The following TTBK2 variants were observed in gnomAD, a reference collection of about 807,000 sequenced individuals.
TTBK2 encodes the protein tau tubulin kinase 2.
In TTBK2, 28 loss-of-function variants were observed where a neutral mutation model predicts 110.8. That is an observed-to-expected ratio of 0.25 (90% CI 0.19 to 0.35). The LOEUF is 0.35. Among genes scored for constraint, TTBK2 ranks in the 10% least tolerant of loss-of-function variants. The pLI is 1.00. For synonymous variants in TTBK2, 532 were observed against 527.3 expected, an observed-to-expected ratio of 1.01 and a Z score of -0.12; for missense variants, 1,369 against 1,500.3, an observed-to-expected ratio of 0.91 and a Z score of 1.45.
chr15:42,815,870 A>T lies in TTBK2; in HGVS notation c.603+1162T>A, dbSNP rs868306007. Among the ~76,000 whole-genome samples the T allele has an allele frequency of 7.4e-4, 90 of 121,428 alleles. 1 individual carries two copies. The highest frequency in any genetic ancestry group is 1.2e-3 in the South Asian group (5 of 4,150). 79.7% of individuals were successfully genotyped at this position (121,428 alleles called of 152,430 possible). On this transcript the variant is annotated intron_variant, in intron 7 of 14. Transcript: ENST00000267890. The stretch of plus-strand genomic sequence containing the variant: ...AAATTCTCTCTCTCTATATATATAT[A>T]TTTAAATATATATATATTTAAAAAT...
At chr15:42,914,068 C>G (rs934717575) in intron 1 of TTBK2, among the ~76,000 whole-genome samples, 5 of 151,922 alleles carry the variant, frequency 3.3e-5, no homozygotes, top group South Asian at 4.2e-4. Flanking sequence ...CCTCCACCTC[C>G]CGGATTCAAG....
At chr15:42,844,033 G>A (rs1893350811) in intron 3 of TTBK2, among the ~76,000 whole-genome samples, 1 of 151,974 alleles carries the variant, frequency 6.6e-6, no homozygotes, top group Admixed American at 6.6e-5. Context: ...AATTCTCAGG[G>A]AGGCAGATTT....
rs759739645 is a variant in TTBK2, at chr15:42,752,642, G to T, written c.2604C>A (p.Gly868=). 36 of 1,614,006 alleles carry T rather than the reference G, an allele frequency of 2.2e-5. No homozygotes were observed. Among genetic ancestry groups the T allele is most frequent in the East Asian group, 2.2e-4 (10 of 44,882 alleles). ...TATTTTTTTGCATTTCTGCCACTTG[G>T]CCTATCTGACCTTCAACATGTGGGT... is the stretch of plus-strand genomic sequence containing the variant. ...DIDPHVEGQI[G]QVAEMQKNKI... The change falls in exon 14 of 15, where the codon GGC becomes GGA. Residue 868 remains glycine, a synonymous_variant. Transcript: ENST00000267890.
At chr15:42,879,409 T>G (rs1894947609) in intron 1 of TTBK2, among the ~76,000 whole-genome samples, 1 of 152,174 alleles carries the variant, frequency 6.6e-6, no homozygotes, top group Admixed American at 6.5e-5. Flanking sequence ...TGCTTTTGTT[T>G]TTTAAAAAGA....
intron 11 of TTBK2, among the ~76,000 whole-genome samples, chr15:42,779,598 G>A (rs117384396): frequency 0.011 from 1,703 of 152,316 alleles, 14 homozygotes; most frequent in Non-Finnish European, 0.02. Context: ...GAAGAAAGAT[G>A]AGCCAAGGAC....
At chr15:42,908,959 A>G (rs1187444311) in intron 1 of TTBK2, among the ~76,000 whole-genome samples, 2 of 152,230 alleles carry the variant, frequency 1.3e-5, no homozygotes, top group African/African-American at 4.8e-5. Context: ...GCTGTAACAA[A>G]TATGACAAAT....
Position 42,865,627 on chromosome 15 carries a change from G to A in TTBK2, c.217+6984C>T, listed in dbSNP as rs139888140. Reference sequence around the variant, plus strand: ...CACCTGAGGCCAGGAGTTGGGGGCCGGTCTGGGCAACATAGCGAGACTCTG... The same window carrying A: ...CACCTGAGGCCAGGAGTTGGGGGCCAGTCTGGGCAACATAGCGAGACTCTG... On this transcript the variant is annotated intron_variant, in intron 3 of 14. Transcript: ENST00000267890. 3.8e-3 allele frequency among the ~76,000 whole-genome samples: 576 copies of A among 151,742 alleles called. 7 individuals carry two copies. The highest frequency in any genetic ancestry group is 0.013 in the African/African-American group (546 of 41,384).
chr15:42,816,085 A>AATATAAATATATAT (rs1555427671), intron 7 of TTBK2, among the ~76,000 whole-genome samples: 1 of 67,448 alleles, frequency 1.5e-5, no homozygotes, highest in African/African-American at 7.6e-5. Context: ...TAAATAAATA[A>AATATAAATATATAT]ATATATATAT....
intron 3 of TTBK2, chr15:42,871,585 C>T (rs781334530): frequency 1.0e-6 from 1 of 985,190 alleles, no homozygotes; most frequent in Non-Finnish European, 1.2e-6. Context: ...GAAGATGTAG[C>T]TCTGGCTGTA....
chr15:42,833,337 A>C (rs896844429), intron 4 of TTBK2, among the ~76,000 whole-genome samples: 1 of 152,072 alleles, frequency 6.6e-6, no homozygotes, highest in Non-Finnish European at 1.5e-5. Flanking sequence ...ATAAATTTAC[A>C]AGATCTCAAT....
intron 1 of TTBK2, among the ~76,000 whole-genome samples, chr15:42,895,569 G>A (rs1375041518): frequency 2.0e-5 from 3 of 146,824 alleles, no homozygotes; most frequent in Admixed American, 6.9e-5. Context: ...ATGGAGTCTC[G>A]CTCTGTCACC....
intron 13 of TTBK2, among the ~76,000 whole-genome samples, chr15:42,763,171 T>C (rs868831559): frequency 3.7e-3 from 61 of 16,356 alleles, no homozygotes; most frequent in African/African-American, 0.015. Context: ...TATATATATA[T>C]ATATATATAT....
intron 14 of TTBK2, among the ~76,000 whole-genome samples, chr15:42,748,273 A>G (rs1275923118): frequency 3.3e-5 from 5 of 152,122 alleles, no homozygotes; most frequent in Admixed American, 6.5e-5. Flanking sequence ...CCTGGCCAAC[A>G]TGGCGAAACC....
chr15:42,888,558 C>T (rs1206500919), intron 1 of TTBK2, among the ~76,000 whole-genome samples: 1 of 152,170 alleles, frequency 6.6e-6, no homozygotes, highest in Non-Finnish European at 1.5e-5. Flanking sequence ...GCTCTGCCCC[C>T]TCCACTACCT....
intron 3 of TTBK2, among the ~76,000 whole-genome samples, chr15:42,850,840 T>C (rs1162546140): frequency 2.0e-5 from 3 of 152,000 alleles, no homozygotes; most frequent in Non-Finnish European, 4.4e-5. Context: ...AGGACTATTA[T>C]ACATTTTTTA....
Position 42,899,318 on chromosome 15 carries a change from A to G in TTBK2, c.-67-20634T>C, listed in dbSNP as rs187635257. Among the ~76,000 whole-genome samples, 11 of 152,154 alleles carry G rather than the reference A, an allele frequency of 7.2e-5. 1 individual carries two copies. Among genetic ancestry groups the G allele is most frequent in the Admixed American group, 7.2e-4 (11 of 15,268 alleles). ...TGGCCAATTTATAAAACATTTAAAC[A>G]TAAAAAGTTTCTCACACCTGTAATC... On this transcript the variant is annotated intron_variant, in intron 1 of 14. Coordinates refer to ENST00000267890, the MANE Select transcript of TTBK2 (RefSeq NM_173500.4).
rs1296939451 is a variant in TTBK2 at position 42,745,424 on chromosome 15, C to T, written c.*371G>A. ...TATCAAACAAGAAGTTTCACTTTTG[C>T]TATATAATCTTTGAATTGAGGCTTA... On this transcript the variant is annotated 3_prime_UTR_variant, in exon 15 of 15. Coordinates refer to ENST00000267890, the MANE Select transcript of TTBK2 (RefSeq NM_173500.4). The T allele has an allele frequency of 1.5e-5, 4 of 259,758 alleles. No individual in the cohort carries two copies. The highest frequency in any genetic ancestry group is 3.0e-5 in the Non-Finnish European group (4 of 132,956). The allele number at this position is 259,758 out of a possible 1,614,324, so 16.1% of individuals were successfully genotyped here.
At chr15:42,749,099 A>G (rs2061833073) in intron 14 of TTBK2, among the ~76,000 whole-genome samples, 1 of 152,236 alleles carries the variant, frequency 6.6e-6, no homozygotes, top group Non-Finnish European at 1.5e-5. Context: ...TCTTTATTAC[A>G]TGCTAAGCAA....
intron 1 of TTBK2, among the ~76,000 whole-genome samples, chr15:42,898,319 T>C (rs946631050): frequency 2.6e-5 from 4 of 152,142 alleles, no homozygotes; most frequent in African/African-American, 9.6e-5. Flanking sequence ...TTTGGGAGGC[T>C]GAGGCAGGAA....
Sources: allele counts gnomAD v4.1 joint callset (sites outside exome capture counted in the v4.1 genomes callset), GRCh38; gene constraint gnomAD v4.1.1; transcripts MANE v1.5; gene names NCBI Gene and HGNC (gene_info 2026-07-23, HGNC 2026-07-21).